SYNE2: variants seen among roughly 807,000 people sequenced by gnomAD.
SYNE2 encodes nesprin-2.
Under a neutral mutation model 856.3 loss-of-function variants are expected in SYNE2, and 431 were observed. The ratio of observed to expected loss-of-function variants is 0.50; its 90% CI spans 0.47 to 0.55. The LOEUF (loss-of-function observed/expected upper bound fraction) is 0.55. SYNE2 is among the 20% of genes least tolerant of loss of function. The probability of loss-of-function intolerance (pLI) is 0.00; values close to 1 mark genes in which losing one functional copy is unlikely to be tolerated. For missense variants in SYNE2, 8,129 were observed against 8,023.2 expected (o/e 1.01, Z -0.50); for synonymous variants, 2,923 against 2,872.3 (o/e 1.02, Z -0.56).
intron 45 of SYNE2, among the ~76,000 whole-genome samples, chr14:64,035,227 T>G (rs2097077378): frequency 6.6e-6 from 1 of 152,102 alleles, no homozygotes; most frequent in Non-Finnish European, 1.5e-5. Context: ...GCTCTAGCTG[T>G]GGGTGAGTGA....
chr14:64,116,655 A>T (rs1304428397), intron 66 of SYNE2, among the ~76,000 whole-genome samples: 1 of 152,182 alleles, frequency 6.6e-6, no homozygotes, highest in Non-Finnish European at 1.5e-5. Flanking sequence ...ACCTCAGGTG[A>T]TCCACCTGCC....
chr14:63,815,200 A>T (rs1412084883), intron 1 of SYNE2, among the ~76,000 whole-genome samples: 1 of 134,812 alleles, frequency 7.4e-6, no homozygotes, highest in Admixed American at 8.2e-5. Context: ...ATCCATATAT[A>T]TATCCATATA....
chr14:64,099,754 T>A (rs978222102), intron 63 of SYNE2: 18 of 152,114 alleles, frequency 1.2e-4, no homozygotes, highest in African/African-American at 2.9e-4. Flanking sequence ...TTCTTTTTTT[T>A]AATTATTATT....
chr14:64,202,746 T>C (rs1567630193), intron 99 of SYNE2, 55 bp from the exon 100 acceptor site: 2 of 1,612,220 alleles, frequency 1.2e-6, no homozygotes, highest in East Asian at 2.2e-5. Context: ...TGGGCTTTTG[T>C]TTTCCATCAC....
chr14:64,076,292 A>G (rs572587373), intron 54 of SYNE2, among the ~76,000 whole-genome samples, 192 bp downstream of exon 54: 1 of 152,218 alleles, frequency 6.6e-6, no homozygotes, highest in Non-Finnish European at 1.5e-5. Context: ...TAACAGAATT[A>G]GATGATTTAT....
chr14:63,962,453 G>A (rs1283630864), intron 9 of SYNE2, among the ~76,000 whole-genome samples: 1 of 152,128 alleles, frequency 6.6e-6, no homozygotes, highest in Non-Finnish European at 1.5e-5. Flanking sequence ...TTCAATGGTT[G>A]TTAGTGTATT....
intron 1 of SYNE2, among the ~76,000 whole-genome samples, chr14:63,796,447 A>G (rs1887917056): frequency 8.5e-6 from 1 of 117,632 alleles, no homozygotes; most frequent in African/African-American, 3.0e-5. Context: ...ACAGAGCAAG[A>G]CTCTGCCTCA....
chr14:64,085,929 T>C (rs2097558195), intron 57 of SYNE2, among the ~76,000 whole-genome samples: 1 of 152,242 alleles, frequency 6.6e-6, no homozygotes, highest in Non-Finnish European at 1.5e-5. Flanking sequence ...TATATGTCAT[T>C]TACAAATATT....
intron 78 of SYNE2, among the ~76,000 whole-genome samples, chr14:64,135,024 T>TG (rs2098073082): frequency 8.4e-6 from 1 of 119,098 alleles, no homozygotes; most frequent in Non-Finnish European, 1.6e-5. Flanking sequence ...TTTTAAACTT[T>TG]TTTGTGTAAC....
At chr14:64,193,820 C>T (rs2098528936) in intron 99 of SYNE2, among the ~76,000 whole-genome samples, 1 of 152,218 alleles carries the variant, frequency 6.6e-6, no homozygotes, top group South Asian at 2.1e-4. Flanking sequence ...GTGCCAGGCT[C>T]CTCACATAGA....
intron 1 of SYNE2, among the ~76,000 whole-genome samples, chr14:63,815,216 CCATATATATATCCATAT>C (rs1888917562): frequency 3.0e-5 from 1 of 33,152 alleles, no homozygotes; most frequent in Non-Finnish European, 5.8e-5. Flanking sequence ...ATATATATAT[CCATATATATATCCATAT>C]ATATATGGAT....
At chr14:64,040,348 AAAGAAG>A (rs1339490557) in intron 45 of SYNE2, among the ~76,000 whole-genome samples, 1 of 152,092 alleles carries the variant, frequency 6.6e-6, no homozygotes. Flanking sequence ...GTAATTAAAA[AAAGAAG>A]AAATTGAAAT....
intron 1 of SYNE2, among the ~76,000 whole-genome samples, chr14:63,845,619 T>C (rs781548856): frequency 6.6e-6 from 1 of 152,120 alleles, no homozygotes; most frequent in Admixed American, 6.6e-5. Context: ...ACATAATTGA[T>C]TTCTGCTTTA....
At chr14:63,854,052 C>G (rs1039839984) in intron 1 of SYNE2, among the ~76,000 whole-genome samples, 8 of 152,054 alleles carry the variant, frequency 5.3e-5, no homozygotes, top group Non-Finnish European at 1.0e-4. Context: ...CCCCCTCCCT[C>G]CGTGAAAGGG....
rs1567291570 is a variant in SYNE2, at chr14:64,098,839, CT to C, written c.12381+20del. On this transcript the variant is annotated intron_variant, in intron 63 of 115. Coordinates refer to ENST00000555002, the MANE Select transcript of SYNE2 (RefSeq NM_182914.3). ...AGAGCGATGTAAGGGAAATGATTTTCTTGTTAAAGTTTGTTAGAACCAGATC... is the reference window on the plus strand; with the variant it reads ...AGAGCGATGTAAGGGAAATGATTTTCTGTTAAAGTTTGTTAGAACCAGATC... 1.9e-6 allele frequency: 3 copies of C among 1,612,854 alleles called. No individual in the cohort carries two copies. The highest frequency in any genetic ancestry group is 1.7e-4 in the Middle Eastern group (1 of 6,058).
At chr14:63,772,532 A>G (rs557156186) in intron 1 of SYNE2, among the ~76,000 whole-genome samples, 40 of 152,124 alleles carry the variant, frequency 2.6e-4, no homozygotes, top group African/African-American at 8.7e-4. Context: ...TTACTTGAGC[A>G]GGAGTTTGAG....
At chr14:63,801,794 G>A (rs1227349196) in intron 1 of SYNE2, among the ~76,000 whole-genome samples, 1 of 151,440 alleles carries the variant, frequency 6.6e-6, no homozygotes, top group African/African-American at 2.4e-5. Flanking sequence ...AACAATACAT[G>A]AAAGGCAAAA....
intron 1 of SYNE2, chr14:63,864,451 G>C (rs2140240188): frequency 6.6e-6 from 1 of 152,304 alleles, no homozygotes; most frequent in South Asian, 2.1e-4. Flanking sequence ...TGTTGGTGAT[G>C]GTTTCTGAGA....
intron 48 of SYNE2, among the ~76,000 whole-genome samples, chr14:64,054,165 G>GCAGTAA (rs1362220770): frequency 6.6e-6 from 1 of 152,144 alleles, no homozygotes; most frequent in African/African-American, 2.4e-5. Flanking sequence ...GCATCTACAT[G>GCAGTAA]CAGTGCCTTC....
Sources: allele counts gnomAD v4.1 joint callset (sites outside exome capture counted in the v4.1 genomes callset), GRCh38; gene constraint gnomAD v4.1.1; transcripts MANE v1.5; gene names NCBI Gene and HGNC (gene_info 2026-07-23, HGNC 2026-07-21).